The following ANKIB1 variants were observed in gnomAD, a reference collection of about 807,000 sequenced individuals.
ANKIB1 encodes the protein ankyrin repeat and IBR domain-containing protein 1.
In ANKIB1, 43 loss-of-function variants were observed where a neutral mutation model predicts 122.1. The ratio of observed to expected loss-of-function variants is 0.35; its 90% CI spans 0.28 to 0.45. The LOEUF (loss-of-function observed/expected upper bound fraction) is 0.45, where lower values mean the gene tolerates loss of function less well. Among genes scored for constraint, ANKIB1 ranks in the 20% least tolerant of loss-of-function variants. The pLI is 1.00. For missense variants in ANKIB1, 992 were observed against 1,329.5 expected, an observed-to-expected ratio of 0.75 and a Z score of 3.95; for synonymous variants, 390 against 442.0, an observed-to-expected ratio of 0.88 and a Z score of 1.48.
At chr7:92,297,966 A>C (rs1802389909) in intron 2 of ANKIB1, among the ~76,000 whole-genome samples, 1 of 152,054 alleles carries the variant, frequency 6.6e-6, no homozygotes, top group African/African-American at 2.4e-5. Flanking sequence ...TGGATTCTCA[A>C]ATGGCTTCTC....
chr7:92,367,632 T>A (rs1804120799), intron 10 of ANKIB1, among the ~76,000 whole-genome samples: 1 of 152,080 alleles, frequency 6.6e-6, no homozygotes, highest in Admixed American at 6.6e-5. Flanking sequence ...ATCTAATTAA[T>A]GAGAAAAAAG....
At chr7:92,314,889 C>T (rs1175468774) in intron 3 of ANKIB1, among the ~76,000 whole-genome samples, 1 of 152,056 alleles carries the variant, frequency 6.6e-6, no homozygotes, top group African/African-American at 2.4e-5. Context: ...TGTGAACTGA[C>T]AAAGCGTCTG....
intron 10 of ANKIB1, among the ~76,000 whole-genome samples, chr7:92,367,942 C>T (rs1357825645): frequency 2.6e-5 from 4 of 152,112 alleles, no homozygotes; most frequent in East Asian, 1.9e-4. Flanking sequence ...GATCACTTGA[C>T]GCTCAGAGTT....
chr7:92,328,735 T>C (rs981130396), intron 5 of ANKIB1, among the ~76,000 whole-genome samples: 1 of 151,914 alleles, frequency 6.6e-6, no homozygotes, highest in Admixed American at 6.6e-5. Context: ...CCTAGCTGGC[T>C]ATTTTAACTA....
intron 1 of ANKIB1, among the ~76,000 whole-genome samples, chr7:92,259,906 A>T (rs1801524916): frequency 6.6e-6 from 1 of 152,124 alleles, no homozygotes; most frequent in South Asian, 2.1e-4. Context: ...TTCAGAGTAC[A>T]TCAAGAATCC....
chr7:92,397,930 A>G (rs1804935687), intron 19 of ANKIB1, 71 bp downstream of exon 19: 1 of 1,524,962 alleles, frequency 6.6e-7, no homozygotes, highest in South Asian at 1.2e-5. Context: ...TCCTGTTGTT[A>G]CTTTCATCGC....
At chr7:92,367,821 G>A (rs990418113) in intron 10 of ANKIB1, among the ~76,000 whole-genome samples, 10 of 152,036 alleles carry the variant, frequency 6.6e-5, no homozygotes, top group African/African-American at 2.4e-4. Context: ...ATTTTTCATG[G>A]GACATACTCA....
chr7:92,335,281 A>G (rs1417019261), intron 5 of ANKIB1, among the ~76,000 whole-genome samples: 1 of 151,722 alleles, frequency 6.6e-6, no homozygotes, highest in African/African-American at 2.4e-5. Context: ...GTCTTTTGAA[A>G]TTTGTTGAGG....
intron 3 of ANKIB1, among the ~76,000 whole-genome samples, chr7:92,314,217 G>C (rs1802747465): frequency 6.6e-6 from 1 of 151,872 alleles, no homozygotes; most frequent in Non-Finnish European, 1.5e-5. Context: ...AGGATCACTT[G>C]AGCCCAGGAG....
chr7:92,337,360 G>C (rs1461513331), intron 5 of ANKIB1, among the ~76,000 whole-genome samples: 1 of 152,132 alleles, frequency 6.6e-6, no homozygotes, highest in Non-Finnish European at 1.5e-5. Context: ...TGTTAAAACA[G>C]TATCTTTTTC....
At chr7:92,297,548 G>T (rs1585094452) in intron 2 of ANKIB1, among the ~76,000 whole-genome samples, 1 of 152,102 alleles carries the variant, frequency 6.6e-6, no homozygotes. Flanking sequence ...CCACCATGCT[G>T]CTAAGTTCAC....
At chr7:92,355,146 G>A (rs2115575001) in intron 9 of ANKIB1, among the ~76,000 whole-genome samples, 1 of 152,244 alleles carries the variant, frequency 6.6e-6, no homozygotes. Flanking sequence ...AGCTAGCATG[G>A]TTTCTCCCCC....
intron 1 of ANKIB1, among the ~76,000 whole-genome samples, chr7:92,255,328 C>CA (rs1801413627): frequency 6.6e-6 from 1 of 151,676 alleles, no homozygotes; most frequent in Non-Finnish European, 1.5e-5. Flanking sequence ...CACAGAAATC[C>CA]AAAAAAGGGT....
chr7:92,322,486 C>G (rs927565716), intron 4 of ANKIB1, among the ~76,000 whole-genome samples: 8 of 152,072 alleles, frequency 5.3e-5, no homozygotes, highest in Non-Finnish European at 1.2e-4. Flanking sequence ...CATTTCCTGA[C>G]ATTTATAATG....
At chr7:92,261,091 T>C (rs1365064770) in intron 1 of ANKIB1, among the ~76,000 whole-genome samples, 2 of 152,154 alleles carry the variant, frequency 1.3e-5, no homozygotes, top group Non-Finnish European at 1.5e-5. Context: ...GGCTCACGCC[T>C]GTAATCCCAG....
At chr7:92,276,411 A>C (rs1468814083) in intron 1 of ANKIB1, among the ~76,000 whole-genome samples, 1 of 152,226 alleles carries the variant, frequency 6.6e-6, no homozygotes, top group East Asian at 1.9e-4. Context: ...TGTCTCCACT[A>C]TGGAAACCTT....
chr7:92,341,493 CAAAA>C (rs754130685), intron 5 of ANKIB1, among the ~76,000 whole-genome samples: 2 of 117,652 alleles, frequency 1.7e-5, no homozygotes, highest in African/African-American at 3.2e-5. Flanking sequence ...CTCGTTGTGG[CAAAA>C]AAAAAAAAAC....
At chr7:92,285,566 C>T (rs571547342) in intron 1 of ANKIB1, among the ~76,000 whole-genome samples, 1 of 152,210 alleles carries the variant, frequency 6.6e-6, no homozygotes, top group Non-Finnish European at 1.5e-5. Context: ...ATGAGAAATC[C>T]TCAGTTGTCA....
intron 7 of ANKIB1, 21 bp downstream of exon 7, chr7:92,345,087 G>A: frequency 6.5e-7 from 1 of 1,535,782 alleles, no homozygotes; most frequent in South Asian, 1.1e-5. Context: ...GAGCACCTTA[G>A]CATCTCTTAC....
Sources: allele counts gnomAD v4.1 joint callset (sites outside exome capture counted in the v4.1 genomes callset), GRCh38; gene constraint gnomAD v4.1.1; transcripts MANE v1.5; gene names NCBI Gene and HGNC (gene_info 2026-07-23, HGNC 2026-07-21).